Variants in GAPDHS observed in about 807,000 individuals in gnomAD.
GAPDHS encodes glyceraldehyde-3-phosphate dehydrogenase, testis-specific.
A neutral mutation model predicts 48.7 loss-of-function variants in GAPDHS; 42 were observed. The observed-to-expected ratio is 0.86, with a 90% confidence interval of 0.67 to 1.12. GAPDHS has a LOEUF of 1.12. Ranked by LOEUF, GAPDHS falls within the 50% of genes most tolerant of loss-of-function variation. The pLI, the probability that GAPDHS is intolerant of heterozygous loss-of-function variation, is 0.00. For synonymous variants in GAPDHS, 166 were observed against 219.1 expected (o/e 0.76, Z 2.14); for missense variants, 512 against 557.7 (o/e 0.92, Z 0.82).
In GAPDHS at chr19:35,537,008, C is replaced by CCT; in HGVS notation, c.245+19_245+20dup. On this transcript the variant is annotated intron_variant, in intron 2 of 10. Coordinates refer to ENST00000222286, the MANE Select transcript of GAPDHS (RefSeq NM_014364.5). Reference sequence around the variant, plus strand: ...ATCAATGGGTGAGTCTACTCCAGCCCCTGATCAGTCTGAAGCCTTAGAGCC... The same window carrying CCT: ...ATCAATGGGTGAGTCTACTCCAGCCCCTCTGATCAGTCTGAAGCCTTAGAGCC... The CCT allele has an allele frequency of 6.2e-7, 1 of 1,605,108 alleles. No individual in the cohort carries two copies. The highest frequency in any genetic ancestry group is 8.5e-7 in the Non-Finnish European group (1 of 1,174,066).
At chr19:35,535,639 G>A (rs778732872) in intron 1 of GAPDHS, among the ~76,000 whole-genome samples, 6 of 151,838 alleles carry the variant, frequency 4.0e-5, no homozygotes, top group Admixed American at 1.3e-4. Context: ...TGCCTGCCTC[G>A]GCCTCCCAAA....
At chr19:35,541,979 C>A in intron 4 of GAPDHS, 1 of 314,924 alleles carries the variant, frequency 3.2e-6, no homozygotes, top group South Asian at 3.3e-5. Context: ...GAGTCCACGT[C>A]CCGGGCAGCA....
Position 35,542,420 on chromosome 19 carries a change from G to A in GAPDHS, c.540+11G>A. ...ATACAGGCAGCTTCGGTAAGCTGGGGAGAGGTGCCCAGGGCTAGCTGGGGG... is the reference window on the plus strand; with the variant it reads ...ATACAGGCAGCTTCGGTAAGCTGGGAAGAGGTGCCCAGGGCTAGCTGGGGG... On this transcript the variant is annotated intron_variant, in intron 5 of 10. Coordinates refer to ENST00000222286, the MANE Select transcript of GAPDHS (RefSeq NM_014364.5). The A allele has an allele frequency of 1.2e-6, 2 of 1,608,310 alleles. No homozygotes were observed. The highest frequency in any genetic ancestry group is 2.2e-5 in the East Asian group (1 of 44,842).
Position 35,537,224 on chromosome 19 carries a change from T to C in GAPDHS, c.245+234T>C, listed in dbSNP as rs570666586. Among the ~76,000 whole-genome samples the C allele has an allele frequency of 3.0e-4, 45 of 152,294 alleles. 1 individual carries two copies. In the South Asian group the frequency reaches 8.7e-3, roughly 29 times the overall value. ...TCAGTAGAGTGTGCTGGGAACAGTG[T>C]AGAATCCAGTGGAAAAGTCAGGCTG... On this transcript the variant is annotated intron_variant, in intron 2 of 10. Transcript: ENST00000222286.
At position 35,538,317 on chromosome 19, in the gene GAPDHS, A is replaced by T. The variant is rs772960179; in HGVS notation, c.256A>T (p.Ile86Phe). The T allele has an allele frequency of 6.2e-7, 1 of 1,612,872 alleles. No individual in the cohort carries two copies. The highest frequency in any genetic ancestry group is 1.1e-5 in the South Asian group (1 of 90,842). Residue 86 changes from isoleucine to phenylalanine, a missense_variant, in exon 3 of 11, where the codon ATC becomes TTC. Transcript: ENST00000222286. The part of the protein sequence containing the change: ...LTVGINGFGR[I>F]GRLVLRACME... ...TCTGTCCCTGGCCAGATTTGGACGC[A>T]TCGGTCGCCTGGTCCTGCGCGCCTG...
chr19:35,538,191 G>A, intron 2 of GAPDHS, 116 bp from the exon 3 acceptor site: 3 of 690,942 alleles, frequency 4.3e-6, no homozygotes, highest in Non-Finnish European at 5.1e-6. Context: ...CCCATGGCCA[G>A]CACAGAGGTT....
rs1184648850 is a variant in GAPDHS, at chr19:35,533,613, G to C, written c.67+19G>C. 1 of 1,600,030 alleles carries C rather than the reference G, an allele frequency of 6.2e-7. No individual in the cohort carries two copies. The highest frequency in any genetic ancestry group is 2.2e-5 in the East Asian group (1 of 44,806). On this transcript the variant is annotated intron_variant, in intron 1 of 10. Coordinates refer to ENST00000222286, the MANE Select transcript of GAPDHS (RefSeq NM_014364.5). ...TGCCCGGGTGAGGGAGGCAGCGGAG[G>C]GCGCGGGGGAGGGGTGGAAAGGGTA...
chr19:35,542,030 T>G, intron 4 of GAPDHS: 1 of 452,514 alleles, frequency 2.2e-6, no homozygotes, highest in Non-Finnish European at 4.1e-6. Context: ...CAGTCAGCAT[T>G]GGCGCCTCTG....
chr19:35,544,151 G>T, intron 9 of GAPDHS: 1 of 261,274 alleles, frequency 3.8e-6, no homozygotes, highest in Non-Finnish European at 7.3e-6. Flanking sequence ...CCCCAGTGGT[G>T]TGTGCACTCC....
chr19:35,544,869 C>G, intron 9 of GAPDHS, 40 bp from the exon 10 acceptor site: 1 of 1,257,040 alleles, frequency 8.0e-7, no homozygotes, highest in Non-Finnish European at 1.2e-6. Context: ...GAGGTCCTTG[C>G]TCTGCCGGAC....
At chr19:35,544,296 A>G (rs2071528739) in intron 9 of GAPDHS, 1 of 166,532 alleles carries the variant, frequency 6.0e-6, no homozygotes, top group South Asian at 1.5e-4. Context: ...GGGCCAGGCC[A>G]TGGCCAGATG....
At chr19:35,533,899 G>A (rs1316970835) in intron 1 of GAPDHS, among the ~76,000 whole-genome samples, 1 of 152,232 alleles carries the variant, frequency 6.6e-6, no homozygotes, top group Non-Finnish European at 1.5e-5. Context: ...CGGGAAGTGG[G>A]CGGGCTTAGG....
intron 2 of GAPDHS, among the ~76,000 whole-genome samples, chr19:35,538,032 C>T (rs751385392): frequency 7.2e-5 from 11 of 152,048 alleles, no homozygotes; most frequent in Non-Finnish European, 1.0e-4. Flanking sequence ...GCCCAGATAG[C>T]GCCACTGCAC....
At chr19:35,537,889 A>T (rs1260741999) in intron 2 of GAPDHS, among the ~76,000 whole-genome samples, 2 of 152,196 alleles carry the variant, frequency 1.3e-5, no homozygotes, top group African/African-American at 4.8e-5. Flanking sequence ...CAGCCTGGCC[A>T]ACATGGCAAA....
chr19:35,543,131 G>C (rs2071517042), intron 7 of GAPDHS, 105 bp downstream of exon 7: 2 of 1,045,962 alleles, frequency 1.9e-6, no homozygotes, highest in Admixed American at 3.8e-5. Flanking sequence ...ACTGGTTTCG[G>C]GAGGAGAGGC....
In GAPDHS at chr19:35,542,540, G is replaced by A. The variant is rs148996097; in HGVS notation, c.591G>A (p.Pro197=). ...GTGTGGTCATCTCCGCGCCCTCACC[G>A]GATGCACCAATGTTCGTCATGGGTG... ...AQRVVISAPS[P]DAPMFVMGVN... Residue 197 remains proline (P), a synonymous_variant, in exon 6 of 11, where the codon CCG becomes CCA. Transcript: ENST00000222286. The A allele has an allele frequency of 4.1e-5, 66 of 1,613,984 alleles. No individual in the cohort carries two copies. Among genetic ancestry groups the A allele is most frequent in the African/African-American group, 1.7e-4 (13 of 74,992 alleles).
Position 35,543,678 on chromosome 19 carries a change from A to G in GAPDHS, c.907A>G (p.Met303Val). ...GGGATTCTCCAGGAAGCTGACAGGGATGGCGTTCCGGGTACCAACCCCGGA... is the reference window on the plus strand; with the variant it reads ...GGGATTCTCCAGGAAGCTGACAGGGGTGGCGTTCCGGGTACCAACCCCGGA... The part of the protein sequence containing the change: ...IPELKGKLTG[M>V]AFRVPTPDVS... The change falls in exon 9 of 11, where the codon ATG becomes GTG. Residue 303 changes from methionine (M) to valine (V), a missense_variant. Met to Val is a conservative substitution (Grantham distance 21). Coordinates refer to ENST00000222286, the MANE Select transcript of GAPDHS (RefSeq NM_014364.5). 1 of 1,613,844 alleles carries G rather than the reference A, an allele frequency of 6.2e-7. No homozygotes were observed. Among genetic ancestry groups the G allele is most frequent in the Non-Finnish European group, 8.5e-7 (1 of 1,179,854 alleles).
chr19:35,539,178 G>A (rs1483180495), intron 4 of GAPDHS, among the ~76,000 whole-genome samples: 1 of 152,204 alleles, frequency 6.6e-6, no homozygotes, highest in Non-Finnish European at 1.5e-5. Flanking sequence ...ATTACAGGCA[G>A]GAGCCACTGC....
rs957522068 is a variant in GAPDHS at position 35,543,092 on chromosome 19, T to C, written c.741+66T>C. The C allele has an allele frequency of 2.4e-6, 3 of 1,272,000 alleles. No homozygotes were observed. In the African/African-American group the frequency reaches 4.4e-5, roughly 19 times the overall value. 78.8% of individuals were successfully genotyped at this position (1,272,000 alleles called of 1,614,324 possible). On this transcript the variant is annotated intron_variant, in intron 7 of 10. Transcript: ENST00000222286. ...GGAAACCCAACTTCTTCCCGGGCCTTGCTTACTGTATGGAGTTAAGAGGGA... is the reference window on the plus strand; with the variant it reads ...GGAAACCCAACTTCTTCCCGGGCCTCGCTTACTGTATGGAGTTAAGAGGGA...
Sources: allele counts gnomAD v4.1 joint callset (sites outside exome capture counted in the v4.1 genomes callset), GRCh38; gene constraint gnomAD v4.1.1; transcripts MANE v1.5; gene names NCBI Gene and HGNC (gene_info 2026-07-23, HGNC 2026-07-21).